HS3ST5: variants seen among roughly 807,000 people sequenced by gnomAD.
HS3ST5 encodes the protein heparan sulfate-glucosamine 3-sulfotransferase 5.
A neutral mutation model predicts 25.4 loss-of-function variants in HS3ST5; 10 were observed. The observed-to-expected ratio is 0.39, with a 90% CI of 0.24 to 0.67. The LOEUF (loss-of-function observed/expected upper bound fraction) is 0.67, where lower values mean the gene tolerates loss of function less well. Ranked by LOEUF, HS3ST5 falls within the 30% of genes least tolerant of loss-of-function variation. The pLI, the probability that HS3ST5 is intolerant of heterozygous loss-of-function variation, is 0.44. For missense variants in HS3ST5, 324 were observed against 420.7 expected, an observed-to-expected ratio of 0.77 and a Z score of 2.01; for synonymous variants, 170 against 162.4, an observed-to-expected ratio of 1.05 and a Z score of -0.36.
chr6:114,245,066 A>T (rs1328909188), intron 1 of HS3ST5, among the ~76,000 whole-genome samples: 1 of 152,228 alleles, frequency 6.6e-6, no homozygotes, highest in Non-Finnish European at 1.5e-5. Flanking sequence ...GTGAATCACA[A>T]GGTGGCATCT....
intron 2 of HS3ST5, among the ~76,000 whole-genome samples, chr6:114,215,076 C>T (rs905815897): frequency 2.6e-5 from 4 of 152,062 alleles, no homozygotes; most frequent in Admixed American, 6.5e-5. Context: ...GAGGCCGAGG[C>T]GGGCAGATCA....
intron 4 of HS3ST5, among the ~76,000 whole-genome samples, chr6:114,060,608 G>A (rs1773053727): frequency 6.6e-6 from 1 of 152,180 alleles, no homozygotes; most frequent in South Asian, 2.1e-4. Flanking sequence ...ATCCTTGGAA[G>A]AATTGAGGAA....
At chr6:114,194,805 T>C (rs952260221) in intron 2 of HS3ST5, among the ~76,000 whole-genome samples, 1 of 152,222 alleles carries the variant, frequency 6.6e-6, no homozygotes, top group African/African-American at 2.4e-5. Flanking sequence ...TGACTCCTCC[T>C]ATAGTTTATT....
At chr6:114,173,359 T>C (rs1470657466) in intron 2 of HS3ST5, among the ~76,000 whole-genome samples, 2 of 152,320 alleles carry the variant, frequency 1.3e-5, no homozygotes, top group Admixed American at 6.5e-5. Flanking sequence ...AAATTAAAAA[T>C]GAGTAATTAC....
At chr6:114,221,340 T>G (rs1306568461) in intron 2 of HS3ST5, among the ~76,000 whole-genome samples, 1 of 151,992 alleles carries the variant, frequency 6.6e-6, no homozygotes, top group Non-Finnish European at 1.5e-5. Flanking sequence ...ATATAGTACA[T>G]AAAAATATGT....
chr6:114,062,006 C>T (rs1773145901), intron 4 of HS3ST5, among the ~76,000 whole-genome samples: 1 of 152,140 alleles, frequency 6.6e-6, no homozygotes, highest in African/African-American at 2.4e-5. Flanking sequence ...AAATTAACTT[C>T]TCTGTCTTTG....
chr6:114,131,685 A>C (rs1181941850), intron 3 of HS3ST5, among the ~76,000 whole-genome samples: 1 of 152,248 alleles, frequency 6.6e-6, no homozygotes, highest in Non-Finnish European at 1.5e-5. Flanking sequence ...CTAAGAAGTC[A>C]GAGACCTACT....
At chr6:114,161,568 T>C (rs1433451643) in intron 3 of HS3ST5, among the ~76,000 whole-genome samples, 2 of 100,844 alleles carry the variant, frequency 2.0e-5, no homozygotes, top group African/African-American at 3.8e-5. Flanking sequence ...TATATATATA[T>C]ATATATAAAA....
intron 2 of HS3ST5, among the ~76,000 whole-genome samples, chr6:114,178,269 A>C (rs556239131): frequency 6.6e-6 from 1 of 152,346 alleles, no homozygotes; most frequent in South Asian, 2.1e-4. Flanking sequence ...CTCTTGGTGA[A>C]TGGGTTTTAG....
chr6:114,127,388 C>G (rs1777094266), intron 3 of HS3ST5, among the ~76,000 whole-genome samples: 1 of 152,090 alleles, frequency 6.6e-6, no homozygotes. Context: ...TAAGTTATTA[C>G]CATGATCCAT....
intron 1 of HS3ST5, among the ~76,000 whole-genome samples, chr6:114,300,201 C>T (rs1048132560): frequency 1.3e-5 from 2 of 151,200 alleles, no homozygotes; most frequent in African/African-American, 4.9e-5. Flanking sequence ...TTTCAAAGGA[C>T]ATCATCAAGA....
chr6:114,077,390 T>C (rs1302728103), intron 3 of HS3ST5, among the ~76,000 whole-genome samples: 3 of 152,200 alleles, frequency 2.0e-5, no homozygotes, highest in Non-Finnish European at 2.9e-5. Flanking sequence ...CTAATGTTTA[T>C]CCACTCTTCC....
chr6:114,319,480 G>A (rs916935599), intron 1 of HS3ST5, among the ~76,000 whole-genome samples: 2 of 152,152 alleles, frequency 1.3e-5, no homozygotes, highest in African/African-American at 4.8e-5. Flanking sequence ...CATTTTGGAA[G>A]TCTTTGTTAA....
intron 3 of HS3ST5, among the ~76,000 whole-genome samples, chr6:114,067,497 C>T (rs1156655351): frequency 6.6e-6 from 1 of 152,162 alleles, no homozygotes. Context: ...CTGGTATATA[C>T]TAGGCTATTA....
intron 2 of HS3ST5, among the ~76,000 whole-genome samples, chr6:114,181,495 A>T (rs925577968): frequency 1.3e-5 from 2 of 152,230 alleles, no homozygotes; most frequent in African/African-American, 4.8e-5. Flanking sequence ...GGATATTATA[A>T]GTATTTCTTG....
intron 2 of HS3ST5, among the ~76,000 whole-genome samples, chr6:114,219,844 T>A (rs1460084787): frequency 1.3e-5 from 2 of 152,154 alleles, no homozygotes; most frequent in African/African-American, 4.8e-5. Context: ...TTTTAGCTTC[T>A]TAATTTTATA....
At chr6:114,292,379 G>A (rs1409698668) in intron 1 of HS3ST5, among the ~76,000 whole-genome samples, 4 of 152,156 alleles carry the variant, frequency 2.6e-5, no homozygotes, top group Non-Finnish European at 5.9e-5. Flanking sequence ...TCACATAGCA[G>A]AAGAATGAGA....
chr6:114,232,211 G>A (rs942683407), intron 1 of HS3ST5, among the ~76,000 whole-genome samples: 1 of 151,942 alleles, frequency 6.6e-6, no homozygotes, highest in African/African-American at 2.4e-5. Flanking sequence ...AATTCATAAT[G>A]AGAGAATCCT....
chr6:114,161,617 G>T lies in HS3ST5; in HGVS notation c.-33+6734C>A, dbSNP rs1328067895. 2.3e-5 allele frequency among the ~76,000 whole-genome samples: 3 copies of T among 128,768 alleles called. No individual in the cohort carries two copies. The East Asian group carries it at 7.3e-4, about 31-fold the overall frequency. 84.5% of individuals were successfully genotyped at this position (128,768 alleles called of 152,430 possible). A position where few individuals can be genotyped will look rare whatever the true frequency, so the allele number is the denominator to read the frequency against. On this transcript the variant is annotated intron_variant, in intron 3 of 4. Coordinates refer to ENST00000312719, the MANE Select transcript of HS3ST5 (RefSeq NM_153612.4). ...ATGTGTGTATGTGTTAGGGAAGAAG[G>T]TTGCATTTGCCTGGCACTCAATATT...
Sources: allele counts gnomAD v4.1 joint callset (sites outside exome capture counted in the v4.1 genomes callset), GRCh38; gene constraint gnomAD v4.1.1; transcripts MANE v1.5; gene names NCBI Gene and HGNC (gene_info 2026-07-23, HGNC 2026-07-21).